CAMK2B: variants seen among roughly 807,000 people sequenced by gnomAD.
The protein encoded by CAMK2B is calcium/calmodulin dependent protein kinase II beta.
CAMK2B carries 27 observed loss-of-function variants against 93.7 expected under a neutral mutation model. That is an observed-to-expected ratio of 0.29 (90% CI 0.21 to 0.40). The LOEUF is 0.40. Among genes scored for constraint, CAMK2B ranks in the 10% least tolerant of loss-of-function variants. The pLI, the probability that CAMK2B is intolerant of heterozygous loss-of-function variation, is 1.00. For synonymous variants in CAMK2B, 374 were observed against 358.8 expected (o/e 1.04, Z -0.48); for missense variants, 568 against 895.8 (o/e 0.63, Z 4.67).
chr7:44,270,709 T>C (rs1176149333), intron 2 of CAMK2B, among the ~76,000 whole-genome samples: 3 of 152,186 alleles, frequency 2.0e-5, no homozygotes, highest in Admixed American at 2.0e-4. Flanking sequence ...GAGGACACTT[T>C]GAGGGCCACA....
At chr7:44,318,800 C>T (rs139709920) in intron 1 of CAMK2B, among the ~76,000 whole-genome samples, 6 of 152,320 alleles carry the variant, frequency 3.9e-5, no homozygotes, top group African/African-American at 1.2e-4. Flanking sequence ...TAGAATTCAA[C>T]AAAAGCTTCT....
At chr7:44,277,386 C>T (rs2129076479) in intron 2 of CAMK2B, among the ~76,000 whole-genome samples, 1 of 152,328 alleles carries the variant, frequency 6.6e-6, no homozygotes, top group Non-Finnish European at 1.5e-5. Flanking sequence ...ACTGTTACAG[C>T]TTTGGCACCA....
At chr7:44,242,152 G>C (rs566239339) in intron 10 of CAMK2B, 66 bp downstream of exon 10, 1 of 1,551,360 alleles carries the variant, frequency 6.4e-7, no homozygotes, top group African/African-American at 1.4e-5. Context: ...TCCTTGCCAG[G>C]GGAGTGGTCT....
intron 5 of CAMK2B, among the ~76,000 whole-genome samples, chr7:44,254,245 G>A (rs1343086046): frequency 6.6e-6 from 1 of 152,220 alleles, no homozygotes; most frequent in Non-Finnish European, 1.5e-5. Context: ...GAGGGTCCAC[G>A]GGAAGCCCCA....
rs1378673379 is a variant in CAMK2B, at chr7:44,239,673, C to T, written c.947-10G>A. 1 of 1,548,952 alleles carries T rather than the reference C, an allele frequency of 6.5e-7. No individual in the cohort carries two copies. Among genetic ancestry groups the T allele is most frequent in the Admixed American group, 2.0e-5 (1 of 50,968 alleles). On this transcript the variant is annotated splice_polypyrimidine_tract_variant and intron_variant, in intron 12 of 23. Transcript: ENST00000395749. ...GTGGTCTGTCTGCCCACTGTTAGCA[C>T]CGGGTTAGAGACGAGGGGAAGGGAG...
At chr7:44,238,292 A>G (rs2096644775) in intron 13 of CAMK2B, among the ~76,000 whole-genome samples, 1 of 152,186 alleles carries the variant, frequency 6.6e-6, no homozygotes, top group Non-Finnish European at 1.5e-5. Flanking sequence ...GGCCTCATGC[A>G]CCGTCGCCCC....
At chr7:44,274,118 C>T (rs569969198) in intron 2 of CAMK2B, among the ~76,000 whole-genome samples, 3 of 152,308 alleles carry the variant, frequency 2.0e-5, no homozygotes, top group South Asian at 2.1e-4. Flanking sequence ...CATTCACCCA[C>T]GGGGCTCTTC....
intron 4 of CAMK2B, among the ~76,000 whole-genome samples, chr7:44,256,823 A>G (rs1054390752): frequency 3.3e-5 from 5 of 152,056 alleles, no homozygotes; most frequent in Non-Finnish European, 7.4e-5. Context: ...GCTGGTGGGC[A>G]CCTGGGACTC....
intron 1 of CAMK2B, among the ~76,000 whole-genome samples, chr7:44,304,276 A>C (rs899650188): frequency 6.6e-6 from 1 of 152,212 alleles, no homozygotes; most frequent in Non-Finnish European, 1.5e-5. Context: ...ACTTATGTCC[A>C]CAAAATACCC....
intron 1 of CAMK2B, among the ~76,000 whole-genome samples, chr7:44,303,905 A>C (rs1790760966): frequency 6.6e-6 from 1 of 152,256 alleles, no homozygotes; most frequent in Non-Finnish European, 1.5e-5. Context: ...TCAACAATAT[A>C]GAAACAACCA....
At chr7:44,315,418 A>G (rs1794620501) in intron 1 of CAMK2B, among the ~76,000 whole-genome samples, 3 of 152,104 alleles carry the variant, frequency 2.0e-5, no homozygotes, top group East Asian at 1.9e-4. Context: ...TCTCAATCCT[A>G]TTTCACTGAT....
chr7:44,308,075 T>C (rs1185914952), intron 1 of CAMK2B, among the ~76,000 whole-genome samples: 2 of 152,272 alleles, frequency 1.3e-5, no homozygotes, highest in East Asian at 3.9e-4. Context: ...GTAGCCCAAA[T>C]GCTGGGAGGG....
intron 2 of CAMK2B, among the ~76,000 whole-genome samples, chr7:44,276,507 T>C (rs1001043898): frequency 3.3e-5 from 5 of 152,196 alleles, no homozygotes; most frequent in African/African-American, 1.2e-4. Flanking sequence ...CAGGCTTCCC[T>C]GGGGTGCGGG....
intron 1 of CAMK2B, among the ~76,000 whole-genome samples, chr7:44,304,641 G>A (rs891020697): frequency 6.6e-6 from 1 of 152,180 alleles, no homozygotes; most frequent in African/African-American, 2.4e-5. Flanking sequence ...TCTGGGGCAG[G>A]TGAAACTACT....
At chr7:44,308,362 G>A (rs564531892) in intron 1 of CAMK2B, among the ~76,000 whole-genome samples, 21 of 152,258 alleles carry the variant, frequency 1.4e-4, no homozygotes, top group African/African-American at 5.1e-4. Flanking sequence ...GTGGCTGGGG[G>A]AAGAGAGACA....
chr7:44,290,350 C>T (rs913300540), intron 1 of CAMK2B, among the ~76,000 whole-genome samples: 12 of 152,234 alleles, frequency 7.9e-5, no homozygotes, highest in African/African-American at 2.7e-4. Context: ...CAAGCACAGC[C>T]CCCTCCCCGC....
chr7:44,322,118 C>T (rs915236916), intron 1 of CAMK2B, among the ~76,000 whole-genome samples: 1 of 152,250 alleles, frequency 6.6e-6, no homozygotes, highest in African/African-American at 2.4e-5. Context: ...TGGGGGCACG[C>T]AGGACAGTGT....
intron 4 of CAMK2B, 90 bp from the exon 5 acceptor site, chr7:44,254,697 A>T: frequency 1.2e-6 from 1 of 828,210 alleles, no homozygotes; most frequent in Non-Finnish European, 2.1e-6. Context: ...CACCATCACC[A>T]CTATCATCAC....
In CAMK2B at chr7:44,258,903, C is replaced by T. The variant is rs2129026896; in HGVS notation, c.244G>A (p.Glu82Lys). 6.2e-7 allele frequency: 1 copy of T among 1,613,996 alleles called. No individual in the cohort carries two copies. The highest frequency in any genetic ancestry group is 8.5e-7 in the Non-Finnish European group (1 of 1,179,948). The change falls in exon 4 of 24, where the codon GAG becomes AAG. Residue 82 changes from glutamate (E) to lysine (K), a missense_variant. Around this residue, in one of 4 missense-constraint regions of CAMK2B, gnomAD observed 105 missense variants for 372.4 expected, o/e 0.28. Coordinates refer to ENST00000395749, the MANE Select transcript of CAMK2B (RefSeq NM_001220.5). ...NIVRLHDSIS[E>K]EGFHYLVFDL... ...AAGACCAGGTAGTGGAAGCCCTCCT[C>T]GGAGATGCTGTCGTGGAGACGCACT...
Sources: allele counts gnomAD v4.1 joint callset (sites outside exome capture counted in the v4.1 genomes callset), GRCh38; gene constraint gnomAD v4.1.1; regional missense constraint gnomAD v4.1.1; transcripts MANE v1.5; gene names NCBI Gene and HGNC (gene_info 2026-07-23, HGNC 2026-07-21).